Variants in LINGO2 observed in about 807,000 individuals in gnomAD.
LINGO2 encodes leucine-rich repeat and immunoglobulin-like domain-containing nogo receptor-interacting protein 2.
LINGO2 carries 14 observed loss-of-function variants against 30.6 expected under a neutral mutation model. The observed-to-expected ratio is 0.46, with a 90% CI of 0.30 to 0.72. LINGO2 has a LOEUF of 0.72. Among genes scored for constraint, LINGO2 ranks in the 30% least tolerant of loss-of-function variants. The pLI is 0.07. For synonymous variants in LINGO2, 317 were observed against 288.5 expected (o/e 1.10, Z -1.00); for missense variants, 729 against 751.7 (o/e 0.97, Z 0.35).
At chr9:28,392,135 A>T (rs1821865221) in intron 2 of LINGO2, among the ~76,000 whole-genome samples, 1 of 152,190 alleles carries the variant, frequency 6.6e-6, no homozygotes, top group Admixed American at 6.5e-5. Flanking sequence ...CCCAGGAGGT[A>T]GAGCTTGCAG....
At chr9:28,062,421 GTATA>G (rs1024836460) in intron 4 of LINGO2, among the ~76,000 whole-genome samples, 11 of 142,958 alleles carry the variant, frequency 7.7e-5, no homozygotes. Flanking sequence ...CTATATATGT[GTATA>G]TATATACTAT....
chr9:28,710,198 A>T, the LINGO2 span, among the ~76,000 whole-genome samples: 5 of 151,822 alleles, frequency 3.3e-5, no homozygotes, highest in Non-Finnish European at 5.9e-5. Flanking sequence ...GAGGCCCCAA[A>T]GAGTTGCCTT....
chr9:28,579,544 G>C (rs1824158539), intron 1 of LINGO2, among the ~76,000 whole-genome samples: 3 of 152,016 alleles, frequency 2.0e-5, no homozygotes, highest in Admixed American at 2.0e-4. Context: ...TTTAGCAAGA[G>C]TCTGAAGATT....
the LINGO2 span, among the ~76,000 whole-genome samples, chr9:28,839,985 T>C: frequency 6.6e-6 from 1 of 152,084 alleles, no homozygotes; most frequent in Non-Finnish European, 1.5e-5. Context: ...GAGGCTGGTG[T>C]GTCAACGTCA....
At chr9:28,979,548 C>T in the LINGO2 span, among the ~76,000 whole-genome samples, 3 of 151,988 alleles carry the variant, frequency 2.0e-5, no homozygotes, top group Admixed American at 6.6e-5. Context: ...CCTTGAAATA[C>T]TCAAGGCCCC....
the LINGO2 span, among the ~76,000 whole-genome samples, chr9:28,788,325 A>G: frequency 6.6e-6 from 1 of 152,344 alleles, no homozygotes; most frequent in East Asian, 1.9e-4. Context: ...AATAAGCTTT[A>G]CCATATTTTT....
the LINGO2 span, among the ~76,000 whole-genome samples, chr9:28,779,780 A>G: frequency 6.6e-6 from 1 of 152,116 alleles, no homozygotes; most frequent in Non-Finnish European, 1.5e-5. Context: ...TGCTTTCAAC[A>G]TTTAAATTTA....
At chr9:29,006,720 A>T in the LINGO2 span, among the ~76,000 whole-genome samples, 1 of 152,072 alleles carries the variant, frequency 6.6e-6, no homozygotes, top group African/African-American at 2.4e-5. Context: ...TACTTATTAA[A>T]TATTCAACAT....
At chr9:28,903,516 C>T in the LINGO2 span, among the ~76,000 whole-genome samples, 4 of 152,112 alleles carry the variant, frequency 2.6e-5, no homozygotes, top group South Asian at 2.1e-4. Context: ...CCCTCTGTCA[C>T]GTAGGTTAGA....
intron 2 of LINGO2, among the ~76,000 whole-genome samples, chr9:28,388,728 C>CTTGT (rs1821702045): frequency 1.3e-5 from 2 of 152,052 alleles, no homozygotes; most frequent in Non-Finnish European, 2.9e-5. Flanking sequence ...GTTTTTGACT[C>CTTGT]TAAGTTGATA....
intron 4 of LINGO2, among the ~76,000 whole-genome samples, chr9:28,207,744 T>C (rs1820457255): frequency 1.3e-5 from 2 of 152,100 alleles, no homozygotes; most frequent in Admixed American, 6.6e-5. Flanking sequence ...GAAACCAATT[T>C]TGAGAATTGC....
chr9:28,741,893 C>T, the LINGO2 span, among the ~76,000 whole-genome samples: 74 of 151,792 alleles, frequency 4.9e-4, no homozygotes, highest in Non-Finnish European at 8.5e-4. Context: ...TTGGGTTTAG[C>T]CTGGTGCTGA....
chr9:28,401,162 T>C (rs751034955), intron 2 of LINGO2, among the ~76,000 whole-genome samples: 2 of 152,038 alleles, frequency 1.3e-5, no homozygotes, highest in Non-Finnish European at 2.9e-5. Flanking sequence ...TTAAATGTTC[T>C]TTTTTTTCCT....
At chr9:28,521,832 T>C (rs1276406744) in intron 1 of LINGO2, among the ~76,000 whole-genome samples, 1 of 151,972 alleles carries the variant, frequency 6.6e-6, no homozygotes, top group East Asian at 1.9e-4. Context: ...AAAATGGAAA[T>C]TTGGGCACAG....
chr9:28,660,207 C>T (rs577659871), intron 1 of LINGO2, among the ~76,000 whole-genome samples: 133 of 152,092 alleles, frequency 8.7e-4, no homozygotes, highest in African/African-American at 2.9e-3. Flanking sequence ...TGAGTTTATG[C>T]ATCATAACTG....
At chr9:28,375,419 C>G (rs1277964246) in intron 2 of LINGO2, among the ~76,000 whole-genome samples, 1 of 148,348 alleles carries the variant, frequency 6.7e-6, no homozygotes, top group East Asian at 2.0e-4. Context: ...TATATGCCTG[C>G]AGGGCCTTGT....
chr9:28,213,519 A>C (rs1424083188), intron 4 of LINGO2, among the ~76,000 whole-genome samples: 2 of 151,482 alleles, frequency 1.3e-5, no homozygotes, highest in African/African-American at 4.8e-5. Flanking sequence ...CTAGTGATAG[A>C]ATAGTGACTT....
At chr9:28,460,541 CAA>C (rs1427274564) in intron 2 of LINGO2, among the ~76,000 whole-genome samples, 1 of 151,758 alleles carries the variant, frequency 6.6e-6, no homozygotes, top group Non-Finnish European at 1.5e-5. Context: ...GAATATAGTG[CAA>C]TAGGGGAAAG....
At chr9:28,394,210 C>T (rs1472588373) in intron 2 of LINGO2, among the ~76,000 whole-genome samples, 1 of 152,308 alleles carries the variant, frequency 6.6e-6, no homozygotes, top group Non-Finnish European at 1.5e-5. Flanking sequence ...CTGAAGATCT[C>T]TTTCCAACGC....
Sources: allele counts gnomAD v4.1 joint callset (sites outside exome capture counted in the v4.1 genomes callset), GRCh38; gene constraint gnomAD v4.1.1; transcripts MANE v1.5; gene names NCBI Gene and HGNC (gene_info 2026-07-23, HGNC 2026-07-21).